The following COL18A1 variants were observed in gnomAD, a reference collection of about 807,000 sequenced individuals.
The protein encoded by COL18A1 is collagen type XVIII alpha 1 chain.
Under a neutral mutation model 168.0 loss-of-function variants are expected in COL18A1, and 133 were observed. The observed-to-expected ratio is 0.79, with a 90% CI of 0.69 to 0.91. The LOEUF is 0.91. COL18A1 is among the 40% of genes least tolerant of loss of function. The pLI is 0.00. For missense variants in COL18A1, 2,126 were observed against 1,925.4 expected, an observed-to-expected ratio of 1.10 and a Z score of -1.95; for synonymous variants, 949 against 809.0, an observed-to-expected ratio of 1.17 and a Z score of -2.94.
chr21:45,428,694 C>T (rs977856679), intron 2 of COL18A1, among the ~76,000 whole-genome samples: 1 of 152,102 alleles, frequency 6.6e-6, no homozygotes, highest in Non-Finnish European at 1.5e-5. Context: ...GACGTTCATG[C>T]AGGTGGTTCC....
At chr21:45,431,938 G>A (rs773394775) in intron 2 of COL18A1, among the ~76,000 whole-genome samples, 3 of 152,108 alleles carry the variant, frequency 2.0e-5, no homozygotes, top group African/African-American at 7.2e-5. Context: ...CCCTGGTGAC[G>A]GCTGCTCTCA....
chr21:45,473,409 GT>G lies in COL18A1; in HGVS notation c.652-481del, dbSNP rs1337435151. On this transcript the variant is annotated intron_variant, in intron 3 of 41. Coordinates refer to ENST00000651438, the MANE Select transcript of COL18A1 (RefSeq NM_001379500.1). The surrounding 1 kb of genome is among the most constrained non-coding windows in gnomAD (Gnocchi z 4.0). ...TTTCTGTCCTTGGCTTCTGGGTTTT[GT>G]TTTTGATGAAAAGGTGAAGTTCAAA... Among the ~76,000 whole-genome samples the G allele has an allele frequency of 6.6e-6, 1 of 152,214 alleles. No individual in the cohort carries two copies. The highest frequency in any genetic ancestry group is 2.4e-5 in the African/African-American group (1 of 41,470).
intron 37 of COL18A1, chr21:45,507,331 G>C: frequency 2.3e-5 from 14 of 608,398 alleles, no homozygotes; most frequent in Non-Finnish European, 3.0e-5. Flanking sequence ...GGCTGGCAGG[G>C]CCGGGTGCTG....
Position 45,512,456 on chromosome 21 carries a change from G to T in COL18A1, c.*58G>T. 1 of 1,553,628 alleles carries T rather than the reference G, an allele frequency of 6.4e-7. No individual in the cohort carries two copies. The highest frequency in any genetic ancestry group is 8.7e-7 in the Non-Finnish European group (1 of 1,143,214). On this transcript the variant is annotated 3_prime_UTR_variant, in exon 42 of 42. Transcript: ENST00000651438. ...CGGCGGCTCGGAGGAAGCCCCCACC[G>T]TGGGCAGGGAGCGGCCGGCCAGCCC...
intron 2 of COL18A1, among the ~76,000 whole-genome samples, chr21:45,440,798 C>T (rs2034350451): frequency 6.6e-6 from 1 of 152,198 alleles, no homozygotes; most frequent in Non-Finnish European, 1.5e-5. Flanking sequence ...AATGTCGATG[C>T]CGGACTCCGC....
In COL18A1 at chr21:45,509,531, C is replaced by T. The variant is rs772512743; in HGVS notation, c.3425C>T (p.Ser1142Phe). The part of the protein sequence containing the change: ...QPYPGAPHHS[S>F]YVHLRPARPT... ...TACCCCGGAGCCCCGCACCACAGCT[C>T]CTACGTGCACCTGCGGCCGGCGCGA... is the stretch of plus-strand genomic sequence containing the variant. The change falls in exon 39 of 42, where the codon TCC becomes TTC. Residue 1142 changes from serine (S) to phenylalanine (F), a missense_variant. Physicochemically the swap from Ser to Phe is radical, Grantham distance 155. Coordinates refer to ENST00000651438, the MANE Select transcript of COL18A1 (RefSeq NM_001379500.1). The T allele has an allele frequency of 1.8e-5, 27 of 1,537,980 alleles. No homozygotes were observed. Among genetic ancestry groups the T allele is most frequent in the Non-Finnish European group, 2.4e-5 (27 of 1,144,376 alleles).
At chr21:45,475,957 G>C (rs1253253146) in intron 5 of COL18A1, among the ~76,000 whole-genome samples, 2 of 152,232 alleles carry the variant, frequency 1.3e-5, no homozygotes, top group Non-Finnish European at 2.9e-5. Context: ...GGCCACCTGA[G>C]AAAACACAGG....
At position 45,443,787 on chromosome 21, in the gene COL18A1, G is replaced by C. The variant is rs1261564670; in HGVS notation, c.107-24455G>C. On this transcript the variant is annotated intron_variant, in intron 2 of 41. Coordinates refer to ENST00000651438, the MANE Select transcript of COL18A1 (RefSeq NM_001379500.1). This position sits in a 1 kb window ranked among gnomAD's most constrained non-coding sequence, Gnocchi z 5.2. ...GCCCCGTGCCCCTTTACGCGGCTCT[G>C]CTGGTGGAGAGGAATAGCTGAGCTG... 3.9e-5 allele frequency among the ~76,000 whole-genome samples: 6 copies of C among 152,228 alleles called. No homozygotes were observed. The highest frequency in any genetic ancestry group is 8.8e-5 in the Non-Finnish European group (6 of 68,036).
chr21:45,433,334 G>A (rs774461305), intron 2 of COL18A1, among the ~76,000 whole-genome samples: 1 of 152,234 alleles, frequency 6.6e-6, no homozygotes, highest in Non-Finnish European at 1.5e-5. Flanking sequence ...ATTTGAGGTT[G>A]CTAGTACCCA....
intron 2 of COL18A1, among the ~76,000 whole-genome samples, chr21:45,433,812 AT>A (rs2034027737): frequency 6.6e-6 from 1 of 152,096 alleles, no homozygotes; most frequent in African/African-American, 2.4e-5. Flanking sequence ...TCCCCTGCAA[AT>A]GGGTTCACTG....
chr21:45,510,946 C>CCCACACGCACACAT lies in COL18A1; in HGVS notation c.3694-160_3694-159insCGCACACATCCACA. Among the ~76,000 whole-genome samples, 2 of 57,382 alleles carry CCCACACGCACACAT rather than the reference C, an allele frequency of 3.5e-5. 1 individual carries two copies. Among genetic ancestry groups the CCCACACGCACACAT allele is most frequent in the Non-Finnish European group, 6.1e-5 (2 of 32,578 alleles). The allele number at this position is 57,382 out of a possible 152,430, so 37.6% of individuals were successfully genotyped here. A position where few individuals can be genotyped will look rare whatever the true frequency, so the allele number is the denominator to read the frequency against. On this transcript the variant is annotated intron_variant, in intron 40 of 41. Coordinates refer to ENST00000651438, the MANE Select transcript of COL18A1 (RefSeq NM_001379500.1). ...ACCCCACCCCCCAAAAAAACACACA[C>CCCACACGCACACAT]CCACAACACCCCACATACACCCCCA...
intron 32 of COL18A1, 125 bp from the exon 33 acceptor site, chr21:45,503,886 C>A (rs574719267): frequency 6.8e-6 from 6 of 888,062 alleles, no homozygotes; most frequent in Non-Finnish European, 1.1e-5. Flanking sequence ...TAATTAAATA[C>A]GCGATCTCTA....
intron 2 of COL18A1, among the ~76,000 whole-genome samples, chr21:45,405,832 C>T (rs930556550): frequency 6.6e-6 from 1 of 151,792 alleles, no homozygotes; most frequent in East Asian, 2.0e-4. Context: ...GCCTCGTCCC[C>T]GCAGCGCCGG....
chr21:45,509,661 A>T, intron 39 of COL18A1, 60 bp downstream of exon 39: 1 of 920,898 alleles, frequency 1.1e-6, no homozygotes, highest in Non-Finnish European at 1.7e-6. Context: ...CGGCAGCAGA[A>T]GAGGGCCCAG....
chr21:45,490,149 C>T, intron 19 of COL18A1, 126 bp from the exon 20 acceptor site: 1 of 649,296 alleles, frequency 1.5e-6, no homozygotes, highest in Non-Finnish European at 2.7e-6. Flanking sequence ...CTGCTCAGGC[C>T]CACAGGGGTG....
At chr21:45,455,340 C>T (rs2034756529) in intron 2 of COL18A1, 2 of 734,868 alleles carry the variant, frequency 2.7e-6, no homozygotes, top group East Asian at 5.4e-5. Context: ...GGTGCTGGAA[C>T]CCCCGGGTGC....
At position 45,492,642 on chromosome 21, in the gene COL18A1, G is replaced by A. The variant is rs114815182; in HGVS notation, c.2188-45G>A. ...GGCTGGGTGGGGTCCGGGCAGGCGC[G>A]AGGGTGCGTGATGACCCCAGCTGAC... On this transcript the variant is annotated intron_variant, in intron 23 of 41. Coordinates refer to ENST00000651438, the MANE Select transcript of COL18A1 (RefSeq NM_001379500.1). The A allele has an allele frequency of 3.8e-5, 62 of 1,610,888 alleles. No homozygotes were observed. The African/African-American group carries it at 6.3e-4, about 16-fold the overall frequency.
At chr21:45,412,010 G>T (rs1203661603) in intron 2 of COL18A1, among the ~76,000 whole-genome samples, 1 of 152,082 alleles carries the variant, frequency 6.6e-6, no homozygotes, top group Non-Finnish European at 1.5e-5. Flanking sequence ...TGGGAACGTG[G>T]CGTTCACCGT....
intron 29 of COL18A1, chr21:45,495,726 A>G (rs1478383994): frequency 1.5e-5 from 6 of 412,398 alleles, no homozygotes; most frequent in Non-Finnish European, 2.8e-5. Flanking sequence ...ACACGCACAC[A>G]CACATCCACA....
Sources: gnomAD v4.1 joint callset for allele counts (sites outside exome capture counted in the v4.1 genomes callset) on GRCh38, gnomAD v4.1.1 for gene constraint, Gnocchi (gnomAD v3.1) non-coding constraint, MANE v1.5 for transcripts, NCBI Gene and HGNC (gene_info 2026-07-23, HGNC 2026-07-21) for gene names.